The following DGKH variants were observed in gnomAD, a reference collection of about 807,000 sequenced individuals.
DGKH encodes diacylglycerol kinase eta.
Under a neutral mutation model 159.3 loss-of-function variants are expected in DGKH, and 90 were observed. The observed-to-expected ratio is 0.57, with a 90% CI of 0.48 to 0.67. The LOEUF (loss-of-function observed/expected upper bound fraction) is 0.67, where lower values mean the gene tolerates loss of function less well. Ranked by LOEUF, DGKH falls within the 30% of genes least tolerant of loss-of-function variation. DGKH has a pLI of 0.00. For missense variants in DGKH, 1,181 were observed against 1,506.1 expected, an observed-to-expected ratio of 0.78 and a Z score of 3.57; for synonymous variants, 536 against 553.8, an observed-to-expected ratio of 0.97 and a Z score of 0.45.
intron 3 of DGKH, among the ~76,000 whole-genome samples, chr13:42,139,158 G>A (rs1955475831): frequency 6.6e-6 from 1 of 152,114 alleles, no homozygotes; most frequent in African/African-American, 2.4e-5. Flanking sequence ...AGAAACCATT[G>A]GTCCTTTTGT....
intron 24 of DGKH, among the ~76,000 whole-genome samples, chr13:42,213,722 C>T (rs1263950962): frequency 6.6e-6 from 1 of 152,156 alleles, no homozygotes; most frequent in African/African-American, 2.4e-5. Context: ...GAAAATATTT[C>T]TCCATGAAGC....
rs1024723093 is a variant in DGKH, at chr13:42,255,899, C to T, written n.4128-385C>T. 54 of 1,532,576 alleles carry T rather than the reference C, an allele frequency of 3.5e-5. No homozygotes were observed. The South Asian group carries it at 3.8e-4, about 11-fold the overall frequency. The allele number at this position is 1,532,576 out of a possible 1,614,324, so 94.9% of individuals were successfully genotyped here. A position where few individuals can be genotyped will look rare whatever the true frequency, so the allele number is the denominator to read the frequency against. On this transcript the variant is annotated intron_variant and non_coding_transcript_variant, in intron 30 of 30. Transcript: ENST00000498255. The stretch of plus-strand genomic sequence containing the variant: ...GAAGGTTGCTGCAAAATTGGCTGCA[C>T]GTACAGGCTTGCCTTTTGTCACTGC...
chr13:42,207,451 A>G (rs1957535172), intron 21 of DGKH, among the ~76,000 whole-genome samples: 1 of 151,584 alleles, frequency 6.6e-6, no homozygotes, highest in African/African-American at 2.4e-5. Flanking sequence ...TCGGCCTCCC[A>G]AAGTCCTAGG....
intron 1 of DGKH, among the ~76,000 whole-genome samples, chr13:42,081,261 G>A (rs778878629): frequency 1.0e-4 from 15 of 150,236 alleles, no homozygotes; most frequent in South Asian, 2.1e-4. Context: ...ATGTGTTCTC[G>A]CTCTGTTGCC....
chr13:42,152,636 G>T (rs867200912), intron 3 of DGKH, among the ~76,000 whole-genome samples: 1 of 123,486 alleles, frequency 8.1e-6, no homozygotes, highest in Admixed American at 9.6e-5. Context: ...GGGCAGAAGG[G>T]CACAGCTGCA....
chr13:42,108,370 A>G (rs1396886250), intron 1 of DGKH, among the ~76,000 whole-genome samples: 1 of 152,176 alleles, frequency 6.6e-6, no homozygotes, highest in Admixed American at 6.5e-5. Flanking sequence ...GGGGTTCCTA[A>G]GCAGTGCTTA....
rs547978957 is a variant in DGKH at position 42,053,886 on chromosome 13, C to T, written c.192+4921C>T. Among the ~76,000 whole-genome samples the T allele has an allele frequency of 2.6e-5, 4 of 152,194 alleles. 1 individual carries two copies. The highest frequency in any genetic ancestry group is 9.6e-5 in the African/African-American group (4 of 41,522). ...CCACCTGCCTTGGCCTCCCAAAGTGCTGGGATTACAGGCGTGAGCCACCAC... is the reference window on the plus strand; with the variant it reads ...CCACCTGCCTTGGCCTCCCAAAGTGTTGGGATTACAGGCGTGAGCCACCAC... On this transcript the variant is annotated intron_variant, in intron 1 of 29. Coordinates refer to ENST00000337343, the MANE Select transcript of DGKH (RefSeq NM_178009.5).
rs1223953901 is a variant in DGKH, at chr13:42,135,489, C to CACAAAAAAAAAAAAAAAAAAAAA, written c.384+5858_384+5859insCAAAAAAAAAAAAAAAAAAAAAA. 1.3e-3 allele frequency among the ~76,000 whole-genome samples: 65 copies of CACAAAAAAAAAAAAAAAAAAAAA among 50,968 alleles called. 8 individuals carry two copies. Among genetic ancestry groups the CACAAAAAAAAAAAAAAAAAAAAA allele is most frequent in the Non-Finnish European group, 1.7e-3 (39 of 23,400 alleles). 33.4% of individuals were successfully genotyped at this position (50,968 alleles called of 152,430 possible). On this transcript the variant is annotated intron_variant, in intron 3 of 29. Coordinates refer to ENST00000337343, the MANE Select transcript of DGKH (RefSeq NM_178009.5). ...TGGGTGGCAGAGAAAGACCCTGTCT[C>CACAAAAAAAAAAAAAAAAAAAAA]AGAAAAAAAAAAAAAAAAAGAGAGA...
intron 5 of DGKH, 139 bp from the exon 6 acceptor site, chr13:42,159,127 T>C: frequency 3.7e-6 from 2 of 545,192 alleles, no homozygotes; most frequent in Non-Finnish European, 6.4e-6. Context: ...TGCAGAATAA[T>C]TTAATCTTTT....
At position 42,235,330 on chromosome 13, in the gene DGKH, C is replaced by A. The variant is rs1053309868; in HGVS notation, c.*6142C>A. ...ACTACTTAAAAGTTATTAAAAACTT[C>A]ACATAAAATATTTCATTTTAGCTAC... On this transcript the variant is annotated 3_prime_UTR_variant, in exon 30 of 30. Transcript: ENST00000337343. 2.0e-5 allele frequency: 3 copies of A among 152,068 alleles called. No homozygotes were observed. The highest frequency in any genetic ancestry group is 2.9e-5 in the Non-Finnish European group (2 of 67,980). The allele number at this position is 152,068 out of a possible 1,614,324, so 9.4% of individuals were successfully genotyped here.
chr13:42,056,821 G>A (rs989722268), intron 1 of DGKH, among the ~76,000 whole-genome samples: 2 of 151,734 alleles, frequency 1.3e-5, no homozygotes, highest in Admixed American at 1.3e-4. Flanking sequence ...CCTTCCCTTC[G>A]CTCTTTTCTC....
chr13:42,197,139 A>G (rs1280858763), intron 17 of DGKH, among the ~76,000 whole-genome samples: 1 of 151,420 alleles, frequency 6.6e-6, no homozygotes, highest in Non-Finnish European at 1.5e-5. Flanking sequence ...AATCCCAGCT[A>G]CTTGAGAGAC....
rs144245385 is a variant in DGKH at position 42,210,045 on chromosome 13, T to C, written c.2851-557T>C. Among the ~76,000 whole-genome samples, 22 of 151,804 alleles carry C rather than the reference T, an allele frequency of 1.4e-4. No homozygotes were observed. The East Asian group carries it at 3.9e-3, about 27-fold the overall frequency. ...CTATTATTTTTCCTTTTGCAGAATA[T>C]GTTTTTAATTAAGGTCTGTCTTTAT... On this transcript the variant is annotated intron_variant, in intron 23 of 29. Coordinates refer to ENST00000337343, the MANE Select transcript of DGKH (RefSeq NM_178009.5).
chr13:42,106,020 T>A (rs1300413226), intron 1 of DGKH, among the ~76,000 whole-genome samples: 2 of 152,108 alleles, frequency 1.3e-5, no homozygotes, highest in East Asian at 3.8e-4. Context: ...TAATTTTTTT[T>A]ATTTTGAGAC....
At chr13:42,178,349 G>T in intron 13 of DGKH, 129 bp downstream of exon 13, 1 of 634,242 alleles carries the variant, frequency 1.6e-6, no homozygotes, top group Non-Finnish European at 2.5e-6. Context: ...AAAATTAGAT[G>T]TACTAAATTT....
intron 1 of DGKH, 134 bp from the exon 2 acceptor site, chr13:42,127,329 A>C: frequency 1.4e-6 from 1 of 693,452 alleles, no homozygotes; most frequent in Non-Finnish European, 2.4e-6. Context: ...GGTGAGAGTA[A>C]AATATTCTCC....
chr13:42,160,253 C>A (rs10492444), intron 7 of DGKH, 117 bp downstream of exon 7: 11 of 1,356,116 alleles, frequency 8.1e-6, no homozygotes, highest in Non-Finnish European at 8.3e-6. Context: ...TGGTAGCATA[C>A]GCATCTCATG....
intron 29 of DGKH, among the ~76,000 whole-genome samples, chr13:42,250,842 C>CA (rs1034382927): frequency 1.4e-4 from 21 of 152,076 alleles, no homozygotes; most frequent in African/African-American, 5.1e-4. Flanking sequence ...TTTCAACCAA[C>CA]AAAAAACACT....
In DGKH at chr13:42,041,965, T is replaced by C. The variant is rs114226999; in HGVS notation, c.-13+1839T>C. Among the ~76,000 whole-genome samples, 498 of 152,340 alleles carry C rather than the reference T, an allele frequency of 3.3e-3. 3 individuals carry two copies. Among genetic ancestry groups the C allele is most frequent in the African/African-American group, 0.012 (482 of 41,574 alleles). On this transcript the variant is annotated intron_variant, in intron 1 of 29. Transcript: ENST00000379274. ...AGGTGCCAGGGTTGGCTGTCCTTTT[T>C]CTTTTCTAGTATATACGCTCTCAGC... is the stretch of plus-strand genomic sequence containing the variant.
Sources: allele counts gnomAD v4.1 joint callset (sites outside exome capture counted in the v4.1 genomes callset), GRCh38; gene constraint gnomAD v4.1.1; transcripts MANE v1.5; gene names NCBI Gene and HGNC (gene_info 2026-07-23, HGNC 2026-07-21).